STK31: variants seen among roughly 807,000 people sequenced by gnomAD.
The protein encoded by STK31 is serine/threonine-protein kinase 31.
Under a neutral mutation model 129.7 loss-of-function variants are expected in STK31, and 89 were observed. The observed-to-expected ratio is 0.69, with a 90% CI of 0.58 to 0.82. The LOEUF (loss-of-function observed/expected upper bound fraction) is 0.82, where lower values mean the gene tolerates loss of function less well. Among genes scored for constraint, STK31 ranks in the 40% least tolerant of loss-of-function variants. The pLI, the probability that STK31 is intolerant of heterozygous loss-of-function variation, is 0.00. For missense variants in STK31, 1,187 were observed against 1,176.4 expected (o/e 1.01, Z -0.13); for synonymous variants, 448 against 395.3 (o/e 1.13, Z -1.58).
chr7:23,734,914 G>A (rs144155984), intron 6 of STK31, among the ~76,000 whole-genome samples: 20,222 of 152,168 alleles, frequency 0.13, 1,374 homozygotes, highest in East Asian at 0.22. Context: ...GCAATGAGCC[G>A]AGATTGTGCC....
At chr7:23,711,078 TTAA>T (rs902660402) in intron 1 of STK31, among the ~76,000 whole-genome samples, 2 of 152,020 alleles carry the variant, frequency 1.3e-5, no homozygotes, top group Non-Finnish European at 2.9e-5. Flanking sequence ...TGATGAGGAG[TTAA>T]TGTTTTCCTT....
rs147275959 is a variant in STK31 at position 23,726,882 on chromosome 7, A to G, written c.250-359A>G. Among the ~76,000 whole-genome samples, 618 of 152,198 alleles carry G rather than the reference A, an allele frequency of 4.1e-3. 3 individuals are homozygous for G. Among genetic ancestry groups the G allele is most frequent in the Non-Finnish European group, 7.0e-3 (479 of 67,954 alleles). On this transcript the variant is annotated intron_variant, in intron 4 of 23. Transcript: ENST00000355870. Reference sequence around the variant, plus strand: ...ACTTGCCATGTTTATGTTAAAAAAAATTGTACCAATTATCGCCTCAGATAT... The same window carrying G: ...ACTTGCCATGTTTATGTTAAAAAAAGTTGTACCAATTATCGCCTCAGATAT...
intron 7 of STK31, among the ~76,000 whole-genome samples, chr7:23,736,587 G>T (rs1235471776): frequency 6.0e-5 from 9 of 149,636 alleles, no homozygotes; most frequent in East Asian, 4.0e-4. Context: ...GGGATCACGG[G>T]GGGGGGATCA....
At chr7:23,828,234 G>GAA (rs1164693194) in intron 23 of STK31, among the ~76,000 whole-genome samples, 1,696 of 152,262 alleles carry the variant, frequency 0.011, 29 homozygotes, top group African/African-American at 0.037. Flanking sequence ...AGCTGTGGTG[G>GAA]GCTCCACCCA....
chr7:23,710,170 A>G (rs1785834240), upstream of STK31: 6 of 1,573,492 alleles, frequency 3.8e-6, no homozygotes, highest in South Asian at 6.8e-5. Flanking sequence ...TCCCGCTAAC[A>G]CCGGATGATG....
rs1012120297 is a variant in STK31 at position 23,712,141 on chromosome 7, T to C, written c.93T>C (p.Asp31=). ...AAATGGATGAAGATACACATTACGA[T>C]AAAGGTACTGACACTAAAAATTATT... ...IVQMDEDTHY[D]KVEDVVGSHI... Residue 31 remains aspartate (D), a synonymous_variant, in exon 2 of 24, where the codon GAT becomes GAC. Transcript: ENST00000355870. The C allele has an allele frequency of 5.0e-6, 8 of 1,612,972 alleles. No homozygotes were observed. Among genetic ancestry groups the C allele is most frequent in the African/African-American group, 2.7e-5 (2 of 74,912 alleles).
intron 21 of STK31, among the ~76,000 whole-genome samples, chr7:23,790,002 A>G (rs1791519865): frequency 2.6e-5 from 4 of 152,098 alleles, no homozygotes; most frequent in Non-Finnish European, 5.9e-5. Flanking sequence ...AGTGCATACA[A>G]CTCACCTGGG....
chr7:23,740,689 C>T (rs1788006192), intron 8 of STK31, among the ~76,000 whole-genome samples: 1 of 152,134 alleles, frequency 6.6e-6, no homozygotes, highest in South Asian at 2.1e-4. Context: ...TGTTCCCCTT[C>T]CTGTGTCCAT....
At chr7:23,825,565 A>G (rs1047156263) in intron 23 of STK31, among the ~76,000 whole-genome samples, 2 of 152,010 alleles carry the variant, frequency 1.3e-5, no homozygotes, top group Non-Finnish European at 2.9e-5. Flanking sequence ...GGATTCATTG[A>G]TTTTTTGAAG....
chr7:23,825,384 G>T (rs185303268), intron 23 of STK31, among the ~76,000 whole-genome samples: 1 of 152,158 alleles, frequency 6.6e-6, no homozygotes, highest in Non-Finnish European at 1.5e-5. Context: ...GTTTATTTGC[G>T]TAGAGGTGTT....
intron 22 of STK31, among the ~76,000 whole-genome samples, chr7:23,803,568 A>C (rs1361318147): frequency 1.3e-5 from 2 of 152,218 alleles, no homozygotes; most frequent in Non-Finnish European, 2.9e-5. Context: ...TACCTTCAGT[A>C]ATAAACCATA....
intron 15 of STK31, among the ~76,000 whole-genome samples, chr7:23,774,621 A>G (rs1178982358): frequency 9.9e-5 from 15 of 151,768 alleles, no homozygotes; most frequent in Admixed American, 9.2e-4. Flanking sequence ...CCACTTTTTG[A>G]TGGGATTGTT....
At chr7:23,716,151 C>T (rs1786303720) in intron 3 of STK31, among the ~76,000 whole-genome samples, 1 of 152,130 alleles carries the variant, frequency 6.6e-6, no homozygotes, top group Non-Finnish European at 1.5e-5. Flanking sequence ...TTCCTTTAAC[C>T]TCTGAATGTT....
intron 6 of STK31, among the ~76,000 whole-genome samples, chr7:23,729,732 A>T (rs1258698644): frequency 2.7e-5 from 4 of 149,780 alleles, no homozygotes; most frequent in Admixed American, 2.0e-4. Flanking sequence ...CTGGTCTCGA[A>T]CTCCTGACCC....
intron 10 of STK31, among the ~76,000 whole-genome samples, chr7:23,759,419 TAACA>T (rs1383137593): frequency 8.5e-5 from 13 of 152,328 alleles, no homozygotes; most frequent in East Asian, 7.7e-4. Flanking sequence ...ACTGAAATCA[TAACA>T]AACAGTCTCT....
At chr7:23,827,589 C>G (rs191334969) in intron 23 of STK31, among the ~76,000 whole-genome samples, 1 of 152,200 alleles carries the variant, frequency 6.6e-6, no homozygotes, top group Non-Finnish European at 1.5e-5. Context: ...GCCTTCCTCT[C>G]TCAACTCGTC....
intron 22 of STK31, among the ~76,000 whole-genome samples, chr7:23,802,185 G>T (rs1359724834): frequency 6.6e-6 from 1 of 152,158 alleles, no homozygotes; most frequent in African/African-American, 2.4e-5. Flanking sequence ...AAAATGAGGG[G>T]TTTATATTGG....
chr7:23,811,359 CT>C, intron 22 of STK31: 1 of 381,316 alleles, frequency 2.6e-6, no homozygotes. Flanking sequence ...TCAAGTTTGC[CT>C]TTGATTGATT....
intron 8 of STK31, among the ~76,000 whole-genome samples, chr7:23,751,015 ATTC>A (rs1455928755): frequency 9.2e-5 from 14 of 152,252 alleles, no homozygotes; most frequent in Non-Finnish European, 1.8e-4. Flanking sequence ...AACTTTCTTT[ATTC>A]TTCTATCCCT....
Sources: allele counts gnomAD v4.1 joint callset (sites outside exome capture counted in the v4.1 genomes callset), GRCh38; gene constraint gnomAD v4.1.1; transcripts MANE v1.5; gene names NCBI Gene and HGNC (gene_info 2026-07-23, HGNC 2026-07-21).